The following NUP210 variants were observed in gnomAD, a reference collection of about 807,000 sequenced individuals.
NUP210 encodes nuclear pore membrane glycoprotein 210.
NUP210 carries 151 observed loss-of-function variants against 196.0 expected under a neutral mutation model. The ratio of observed to expected loss-of-function variants is 0.77; its 90% CI spans 0.67 to 0.88. NUP210 has a LOEUF of 0.88. Among genes scored for constraint, NUP210 ranks in the 40% least tolerant of loss-of-function variants. NUP210 has a pLI of 0.00. For synonymous variants in NUP210, 1,070 were observed against 1,052.7 expected (o/e 1.02, Z -0.32); for missense variants, 2,314 against 2,493.7 (o/e 0.93, Z 1.53).
At chr3:13,401,428 G>A (rs1399810860) in intron 1 of NUP210, among the ~76,000 whole-genome samples, 2 of 152,132 alleles carry the variant, frequency 1.3e-5, no homozygotes, top group African/African-American at 4.8e-5. Context: ...ATGGGCTGCG[G>A]CAGGAGGCCT....
At position 13,372,043 on chromosome 3, in the gene NUP210, G is replaced by C. The variant is rs1406987560; in HGVS notation, c.1588-11C>G. ...CTCGATCACATACACCTGGAAGACA[G>C]GGGCATGGCCTGGGCTCAGCTGCCT... On this transcript the variant is annotated splice_polypyrimidine_tract_variant and intron_variant, in intron 12 of 39. Transcript: ENST00000254508. 6.4e-7 allele frequency: 1 copy of C among 1,557,536 alleles called. No homozygotes were observed. The highest frequency in any genetic ancestry group is 8.7e-7 in the Non-Finnish European group (1 of 1,149,038).
At position 13,399,690 on chromosome 3, in the gene NUP210, CCCACCGGGGATCACA is replaced by C; in HGVS notation, c.304+20_304+34del. 6.2e-7 allele frequency: 1 copy of C among 1,613,118 alleles called. No homozygotes were observed. Among genetic ancestry groups the C allele is most frequent in the Non-Finnish European group, 8.5e-7 (1 of 1,179,704 alleles). Reference sequence around the variant, plus strand: ...AGTGGGCGTTTCCCTGTCTCTGGCTCCCACCGGGGATCACACACAGCACTCAGCCCTTACTGATGT... The same window carrying C: ...AGTGGGCGTTTCCCTGTCTCTGGCTCCACAGCACTCAGCCCTTACTGATGT... On this transcript the variant is annotated intron_variant, in intron 2 of 39. Coordinates refer to ENST00000254508, the MANE Select transcript of NUP210 (RefSeq NM_024923.4).
chr3:13,416,967 C>T (rs1179644901), intron 1 of NUP210, among the ~76,000 whole-genome samples: 2 of 152,138 alleles, frequency 1.3e-5, no homozygotes, highest in South Asian at 2.1e-4. Context: ...GATATGAGGT[C>T]GTTTTGTATA....
Position 13,340,334 on chromosome 3 carries a change from C to A in NUP210, c.3229-36G>T, listed in dbSNP as rs751891094. The A allele has an allele frequency of 6.3e-6, 10 of 1,584,170 alleles. No homozygotes were observed. Among genetic ancestry groups the A allele is most frequent in the African/African-American group, 1.3e-5 (1 of 74,414 alleles). On this transcript the variant is annotated intron_variant, in intron 23 of 39. Coordinates refer to ENST00000254508, the MANE Select transcript of NUP210 (RefSeq NM_024923.4). The surrounding 1 kb of genome is among the most constrained non-coding windows in gnomAD (Gnocchi z 4.0). Reference sequence around the variant, plus strand: ...ACACAGGAGAGAAAGGACTACTGTGCCCCAAGCCCATGGCGCCAAGCATAA... The same window carrying A: ...ACACAGGAGAGAAAGGACTACTGTGACCCAAGCCCATGGCGCCAAGCATAA...
intron 1 of NUP210, among the ~76,000 whole-genome samples, chr3:13,415,885 G>A (rs1700332873): frequency 6.6e-6 from 1 of 152,168 alleles, no homozygotes; most frequent in Non-Finnish European, 1.5e-5. Context: ...CACCCACGAA[G>A]GCCTGTGAGG....
rs752920131 is a variant in NUP210 at position 13,319,970 on chromosome 3, C to T, written c.5176G>A (p.Gly1726Arg). ...EVLENLEVKS[G>R]SPAVLAFAKE... ...GCGAATGCCAGCACGGCCGGGGACC[C>T]GGATTTCACCTGGAAGAGACATCAG... The change falls in exon 37 of 40, where the codon GGG becomes AGG. Residue 1726 changes from glycine (G) to arginine (R), a missense_variant. Coordinates refer to ENST00000254508, the MANE Select transcript of NUP210 (RefSeq NM_024923.4). 28 of 1,613,506 alleles carry T rather than the reference C, an allele frequency of 1.7e-5. 1 individual carries two copies. Among genetic ancestry groups the T allele is most frequent in the South Asian group, 9.9e-5 (9 of 91,078 alleles).
Position 13,337,819 on chromosome 3 carries a change from C to T in NUP210, c.3552+18G>A. ...GCTCTTCGGGAACCAGGATTCAGAGCCCAGGAGGTCCCCTCACCTGGGTGC... is the reference window on the plus strand; with the variant it reads ...GCTCTTCGGGAACCAGGATTCAGAGTCCAGGAGGTCCCCTCACCTGGGTGC... On this transcript the variant is annotated intron_variant, in intron 26 of 39. Transcript: ENST00000254508. 1 of 1,601,792 alleles carries T rather than the reference C, an allele frequency of 6.2e-7. No individual in the cohort carries two copies. Among genetic ancestry groups the T allele is most frequent in the Non-Finnish European group, 8.5e-7 (1 of 1,175,732 alleles).
chr3:13,413,068 T>TA (rs1340978883), intron 1 of NUP210, among the ~76,000 whole-genome samples: 2 of 146,506 alleles, frequency 1.4e-5, no homozygotes, highest in African/African-American at 5.1e-5. Context: ...AGTTCGAGAC[T>TA]AGCCTGGCCA....
At position 13,321,584 on chromosome 3, in the gene NUP210, C is replaced by A. The variant is rs200256156; in HGVS notation, c.5166+1G>T. 3.0e-5 allele frequency: 49 copies of A among 1,612,568 alleles called. No homozygotes were observed. Among genetic ancestry groups the A allele is most frequent in the Non-Finnish European group, 3.8e-5 (45 of 1,178,720 alleles). On this transcript the variant is annotated splice_donor_variant, in intron 36 of 39. Coordinates refer to ENST00000254508, the MANE Select transcript of NUP210 (RefSeq NM_024923.4). LOFTEE classifies it high-confidence loss of function. ...GCCTGAGGCATGCAGATGCCACTCA[C>A]CTCCAAGTTCTCCAGAACCTCCGGG...
At chr3:13,355,641 C>A (rs1412439371) in intron 16 of NUP210, among the ~76,000 whole-genome samples, 2 of 152,220 alleles carry the variant, frequency 1.3e-5, no homozygotes, top group Non-Finnish European at 2.9e-5. Flanking sequence ...AGCTCTCTTG[C>A]CCCAAGAGAA....
intron 17 of NUP210, 109 bp from the exon 18 acceptor site, chr3:13,353,769 G>A (rs774335918): frequency 2.2e-5 from 27 of 1,242,246 alleles, no homozygotes; most frequent in African/African-American, 3.0e-5. Context: ...ACAGACAACT[G>A]TGTGTGTTGA....
chr3:13,399,725 T>C lies in NUP210; in HGVS notation c.304A>G (p.Thr102Ala). 1 of 1,614,074 alleles carries C rather than the reference T, an allele frequency of 6.2e-7. No homozygotes were observed. Among genetic ancestry groups the C allele is most frequent in the Non-Finnish European group, 8.5e-7 (1 of 1,179,984 alleles). The stretch of plus-strand genomic sequence containing the variant: ...ATCACACACAGCACTCAGCCCTTAC[T>C]GATGTCCTCTGCGAAGATGATGCTG... The part of the protein sequence containing the change: ...LTSIIFAEDI[T>A]TGQVLRCDAI... The change falls in exon 2 of 40, where the codon ACC (threonine) becomes GCC (alanine). Residue 102 changes from threonine (T) to alanine (A), a missense_variant and splice_region_variant. Coordinates refer to ENST00000254508, the MANE Select transcript of NUP210 (RefSeq NM_024923.4).
At position 13,323,287 on chromosome 3, in the gene NUP210, G is replaced by A; in HGVS notation, c.4768+22C>T. ...CCCGCTCCCAGGTACTCTGAAGACA[G>A]CCCAAGCCCCTCATTAAGTACCTCT... is the stretch of plus-strand genomic sequence containing the variant. On this transcript the variant is annotated intron_variant, in intron 34 of 39. Transcript: ENST00000254508. The surrounding 1 kb of genome is among the most constrained non-coding windows in gnomAD (Gnocchi z 4.3). The A allele has an allele frequency of 6.2e-7, 1 of 1,613,882 alleles. No individual in the cohort carries two copies. The highest frequency in any genetic ancestry group is 8.5e-7 in the Non-Finnish European group (1 of 1,179,852).
chr3:13,358,812 G>A lies in NUP210; in HGVS notation c.2155-417C>T, dbSNP rs541790400. The stretch of plus-strand genomic sequence containing the variant: ...TGGGAAGTGCATGCTGCAGAATGAT[G>A]ACAGGGCAAGCGAATCAGATAGGAG... On this transcript the variant is annotated intron_variant, in intron 15 of 39. Coordinates refer to ENST00000254508, the MANE Select transcript of NUP210 (RefSeq NM_024923.4). Among the ~76,000 whole-genome samples the A allele has an allele frequency of 1.8e-4, 27 of 152,372 alleles. No homozygotes were observed. The South Asian group carries it at 5.6e-3, about 32-fold the overall frequency.
Position 13,399,846 on chromosome 3 carries a change from C to T in NUP210, c.183G>A (p.Pro61=), listed in dbSNP as rs146212034. 106 of 1,609,064 alleles carry T rather than the reference C, an allele frequency of 6.6e-5. No homozygotes were observed. The Admixed American group carries it at 1.0e-3, about 16-fold the overall frequency. Reference sequence around the variant, plus strand: ...CCAGCGGCTCGATGCTGGCCACCTCCGGCCGGGTGGACAACCTGCAGTGGA... The same window carrying T: ...CCAGCGGCTCGATGCTGGCCACCTCTGGCCGGGTGGACAACCTGCAGTGGA... The part of the protein sequence containing the change: ...EGCYRWLSTR[P]EVASIEPLGL... Residue 61 remains proline (P), a synonymous_variant, in exon 2 of 40, where the codon CCG becomes CCA. Transcript: ENST00000254508.
At position 13,327,301 on chromosome 3, in the gene NUP210, G is replaced by T. The variant is rs380736; in HGVS notation, c.4423C>A (p.Leu1475Ile). 6.2e-7 allele frequency: 1 copy of T among 1,613,490 alleles called. No homozygotes were observed. Among genetic ancestry groups the T allele is most frequent in the South Asian group, 1.1e-5 (1 of 91,080 alleles). ...GACAGCTCTGGGGAGATGGCCTGTA[G>T]GACAGGCAGGGGCATGAAGTCCGAG... ...GLSDFMPLPV[L>I]QAISPELSGA... The change falls in exon 32 of 40, where the codon CTA (leucine) becomes ATA (isoleucine). Residue 1475 changes from leucine (L) to isoleucine (I), a missense_variant. Leu to Ile is a conservative substitution (Grantham distance 5). Coordinates refer to ENST00000254508, the MANE Select transcript of NUP210 (RefSeq NM_024923.4).
intron 5 of NUP210, among the ~76,000 whole-genome samples, chr3:13,387,070 T>C (rs1248594768): frequency 1.3e-5 from 2 of 152,248 alleles, no homozygotes; most frequent in Non-Finnish European, 2.9e-5. Flanking sequence ...ATGATTCTTG[T>C]CCACAGAAAC....
chr3:13,353,469 C>T (rs1698052342), intron 18 of NUP210, 85 bp downstream of exon 18: 7 of 1,146,908 alleles, frequency 6.1e-6, no homozygotes, highest in Non-Finnish European at 9.2e-6. Context: ...ACTCAGGACA[C>T]TGTGATACCC....
Position 13,336,790 on chromosome 3 carries a change from G to A in NUP210, c.3681C>T (p.His1227=), listed in dbSNP as rs748996478. 15 of 1,612,878 alleles carry A rather than the reference G, an allele frequency of 9.3e-6. No homozygotes were observed. The highest frequency in any genetic ancestry group is 1.6e-4 in the Middle Eastern group (1 of 6,078). The part of the protein sequence containing the change: ...RDVLDLRGRH[H]EASIRLPSQY... ...TCTGGAGGGGGTGGTTACCTACCTCGTGGTGCCGCCCTCGGAGGTCCAGGA... is the reference window on the plus strand; with the variant it reads ...TCTGGAGGGGGTGGTTACCTACCTCATGGTGCCGCCCTCGGAGGTCCAGGA... Residue 1227 remains histidine (H), a synonymous_variant, in exon 27 of 40, where the codon CAC becomes CAT. Transcript: ENST00000254508.
Sources: allele counts gnomAD v4.1 joint callset (sites outside exome capture counted in the v4.1 genomes callset), GRCh38; gene constraint gnomAD v4.1.1; non-coding constraint Gnocchi (gnomAD v3.1); transcripts MANE v1.5; gene names NCBI Gene and HGNC (gene_info 2026-07-23, HGNC 2026-07-21).